Variants in KCNIP4 observed in about 807,000 individuals in gnomAD.
The protein encoded by KCNIP4 is potassium voltage-gated channel interacting protein 4, also known as Kv channel-interacting protein 4.
A neutral mutation model predicts 34.0 loss-of-function variants in KCNIP4; 12 were observed. That is an observed-to-expected ratio of 0.35 (90% confidence interval 0.23 to 0.57). The LOEUF is 0.57. Among genes scored for constraint, KCNIP4 ranks in the 20% least tolerant of loss-of-function variants. The pLI is 0.83. For missense variants in KCNIP4, 238 were observed against 311.7 expected (o/e 0.76, Z 1.78); for synonymous variants, 124 against 102.2 (o/e 1.21, Z -1.29).
chr4:21,061,702 C>T (rs997655855), intron 1 of KCNIP4, among the ~76,000 whole-genome samples: 7 of 152,092 alleles, frequency 4.6e-5, no homozygotes, highest in African/African-American at 1.7e-4. Flanking sequence ...GTGATCTATG[C>T]CTAAACATTA....
chr4:21,570,955 C>T (rs1292943637), intron 1 of KCNIP4, among the ~76,000 whole-genome samples: 1 of 152,098 alleles, frequency 6.6e-6, no homozygotes, highest in Non-Finnish European at 1.5e-5. Context: ...CGTGGTTGAA[C>T]CTGGATTCAA....
At chr4:21,215,198 A>G (rs1757470877) in intron 1 of KCNIP4, among the ~76,000 whole-genome samples, 1 of 152,162 alleles carries the variant, frequency 6.6e-6, no homozygotes, top group South Asian at 2.1e-4. Context: ...GAACTCTTGA[A>G]GTCGTTTAAA....
At chr4:21,428,890 C>G (rs1479097227) in intron 1 of KCNIP4, among the ~76,000 whole-genome samples, 1 of 152,030 alleles carries the variant, frequency 6.6e-6, no homozygotes, top group Non-Finnish European at 1.5e-5. Flanking sequence ...CCCATATACT[C>G]TCTGCCCCCA....
chr4:21,363,062 G>A (rs1719385655), intron 1 of KCNIP4, among the ~76,000 whole-genome samples: 1 of 152,134 alleles, frequency 6.6e-6, no homozygotes, highest in South Asian at 2.1e-4. Context: ...TTGGAGATGA[G>A]TTCTTTCTTT....
At chr4:21,704,341 A>G (rs960263364) in intron 1 of KCNIP4, among the ~76,000 whole-genome samples, 1 of 152,198 alleles carries the variant, frequency 6.6e-6, no homozygotes, top group Non-Finnish European at 1.5e-5. Context: ...CATGAGCCAT[A>G]AAAGGAAAAA....
At chr4:21,025,099 T>C (rs1740402338) in intron 1 of KCNIP4, among the ~76,000 whole-genome samples, 1 of 152,190 alleles carries the variant, frequency 6.6e-6, no homozygotes, top group Non-Finnish European at 1.5e-5. Flanking sequence ...AGAATATCAA[T>C]AATTTCCCAA....
At chr4:21,363,187 A>G (rs1000409410) in intron 1 of KCNIP4, among the ~76,000 whole-genome samples, 1 of 152,078 alleles carries the variant, frequency 6.6e-6, no homozygotes, top group African/African-American at 2.4e-5. Context: ...CTGATTCTAC[A>G]TTCTCTCTTC....
chr4:21,929,517 T>C (rs1560187253), intron 1 of KCNIP4, among the ~76,000 whole-genome samples: 1 of 152,160 alleles, frequency 6.6e-6, no homozygotes, highest in East Asian at 1.9e-4. Context: ...GTTCTTTCTA[T>C]TGTGCTTTTA....
intron 3 of KCNIP4, among the ~76,000 whole-genome samples, chr4:20,772,085 C>A (rs561615920): frequency 6.6e-6 from 1 of 152,300 alleles, no homozygotes; most frequent in East Asian, 1.9e-4. Flanking sequence ...TGTTTTACCA[C>A]ACAATGTTTA....
intron 1 of KCNIP4, among the ~76,000 whole-genome samples, chr4:21,917,065 T>C (rs866856539): frequency 5.9e-5 from 9 of 152,238 alleles, no homozygotes; most frequent in Middle Eastern, 3.2e-3. Flanking sequence ...ATTCCTTATG[T>C]AATCGACTAG....
chr4:21,798,542 G>T (rs1219514235), intron 1 of KCNIP4, among the ~76,000 whole-genome samples: 1 of 116,992 alleles, frequency 8.5e-6, no homozygotes, highest in Non-Finnish European at 1.9e-5. Flanking sequence ...AGGAAAGAGA[G>T]AGAGAGAAAG....
At chr4:21,862,509 C>A (rs761517873) in intron 1 of KCNIP4, among the ~76,000 whole-genome samples, 2 of 152,128 alleles carry the variant, frequency 1.3e-5, no homozygotes, top group Non-Finnish European at 2.9e-5. Flanking sequence ...ATAGGGAATG[C>A]TGATGGGTAA....
At chr4:21,346,575 T>C (rs1717447534) in intron 1 of KCNIP4, among the ~76,000 whole-genome samples, 1 of 151,876 alleles carries the variant, frequency 6.6e-6, no homozygotes, top group South Asian at 2.1e-4. Flanking sequence ...AAACTTAGAC[T>C]CACAAACAAC....
chr4:21,145,352 C>T (rs545425926), intron 1 of KCNIP4, among the ~76,000 whole-genome samples: 11 of 152,238 alleles, frequency 7.2e-5, no homozygotes, highest in South Asian at 2.1e-4. Context: ...GGAGAGGTTA[C>T]GAACCTGGGA....
intron 1 of KCNIP4, among the ~76,000 whole-genome samples, chr4:21,436,169 G>GAGCT (rs1277846502): frequency 6.6e-6 from 1 of 152,162 alleles, no homozygotes; most frequent in East Asian, 1.9e-4. Flanking sequence ...TGAAGTAGAT[G>GAGCT]AGCTCAATGT....
chr4:21,271,214 G>C (rs6825513), intron 1 of KCNIP4, among the ~76,000 whole-genome samples: 2 of 151,876 alleles, frequency 1.3e-5, no homozygotes, highest in South Asian at 4.1e-4. Context: ...GCATTCAGGG[G>C]TCCCTCTGTA....
At chr4:20,875,874 A>G (rs1261448965) in intron 2 of KCNIP4, among the ~76,000 whole-genome samples, 1 of 152,206 alleles carries the variant, frequency 6.6e-6, no homozygotes, top group Non-Finnish European at 1.5e-5. Flanking sequence ...TCAATATGCT[A>G]CCGGGAAAAA....
At chr4:21,824,768 C>T (rs1438677829) in intron 1 of KCNIP4, among the ~76,000 whole-genome samples, 1 of 152,050 alleles carries the variant, frequency 6.6e-6, no homozygotes, top group Non-Finnish European at 1.5e-5. Flanking sequence ...TCTATCTGGG[C>T]AGCAATCAAG....
chr4:20,919,198 C>G (rs970309415), intron 1 of KCNIP4, among the ~76,000 whole-genome samples: 3 of 152,012 alleles, frequency 2.0e-5, no homozygotes, highest in African/African-American at 7.2e-5. Context: ...TCAGGCAGAC[C>G]TGAGTTTCAA....
Sources: gnomAD v4.1 joint callset for allele counts (sites outside exome capture counted in the v4.1 genomes callset) on GRCh38, gnomAD v4.1.1 for gene constraint, MANE v1.5 for transcripts, NCBI Gene and HGNC (gene_info 2026-07-23, HGNC 2026-07-21) for gene names.